Variants in SLCO2A1 observed in about 807,000 individuals in gnomAD.
SLCO2A1 encodes the protein solute carrier organic anion transporter family member 2A1.
SLCO2A1 carries 60 observed loss-of-function variants against 71.7 expected under a neutral mutation model. That is an observed-to-expected ratio of 0.84 (90% CI 0.68 to 1.04). The LOEUF is 1.04. Ranked by LOEUF, SLCO2A1 falls within the 50% of genes least tolerant of loss-of-function variation. SLCO2A1 has a pLI of 0.00. For synonymous variants in SLCO2A1, 308 were observed against 326.7 expected, an observed-to-expected ratio of 0.94 and a Z score of 0.62; for missense variants, 745 against 813.4, an observed-to-expected ratio of 0.92 and a Z score of 1.02.
At chr3:133,950,851 A>T in intron 6 of SLCO2A1, 1 of 334,626 alleles carries the variant, frequency 3.0e-6, no homozygotes, top group South Asian at 2.6e-5. Context: ...CTGAACACTG[A>T]TAGGCCCTAT....
rs917310671 is a variant in SLCO2A1 at position 134,004,022 on chromosome 3, G to A, written c.97-24404C>T. 3.9e-5 allele frequency among the ~76,000 whole-genome samples: 6 copies of A among 152,138 alleles called. No homozygotes were observed. In the East Asian group the frequency reaches 1.2e-3, roughly 29 times the overall value. The stretch of plus-strand genomic sequence containing the variant: ...TGGGATCATCCCTTCCTGACTGCCT[G>A]CCCTGTGAATTTTGAAGCTGCTTAG... On this transcript the variant is annotated intron_variant, in intron 1 of 13. Coordinates refer to ENST00000310926, the MANE Select transcript of SLCO2A1 (RefSeq NM_005630.3).
rs748877837 is a variant in SLCO2A1, at chr3:133,934,800, C to A, written c.1845G>T (p.Ala615=). Reference sequence around the variant, plus strand: ...TGAAGCAAAGCAGCAGCATGCCCAGCGCCTTGTAGCCCATCTGCAGGCCCA... The same window carrying A: ...TGAAGCAAAGCAGCAGCATGCCCAGAGCCTTGTAGCCCATCTGCAGGCCCA... ...RYLGLQMGYK[A]LGMLLLCFIS... The change falls in exon 14 of 14, where the codon GCG becomes GCT. Residue 615 remains alanine (A), a synonymous_variant. Transcript: ENST00000310926. The A allele has an allele frequency of 8.1e-6, 13 of 1,612,078 alleles. No homozygotes were observed. The highest frequency in any genetic ancestry group is 1.0e-5 in the Non-Finnish European group (12 of 1,179,938).
rs371576536 is a variant in SLCO2A1, at chr3:133,975,182, C to T, written c.235-1357G>A. On this transcript the variant is annotated intron_variant, in intron 2 of 13. Transcript: ENST00000310926. ...CATGGCTATTTATGCTCTGCGTGTG[C>T]TTCTAAGTCCCACAGTCTCAGCTCA... Among the ~76,000 whole-genome samples, 24 of 152,260 alleles carry T rather than the reference C, an allele frequency of 1.6e-4. No homozygotes were observed. The East Asian group carries it at 4.1e-3, about 26-fold the overall frequency.
chr3:133,978,619 T>C (rs902534344), intron 2 of SLCO2A1, among the ~76,000 whole-genome samples: 3 of 152,050 alleles, frequency 2.0e-5, no homozygotes, highest in African/African-American at 7.2e-5. Context: ...TGAATTTCAC[T>C]AAGTCAAGGG....
intron 3 of SLCO2A1, among the ~76,000 whole-genome samples, chr3:133,956,682 T>C (rs781414593): frequency 1.2e-4 from 18 of 152,256 alleles, no homozygotes; most frequent in Non-Finnish European, 2.5e-4. Context: ...CCCGACCACA[T>C]GGTGATATAA....
At position 134,003,823 on chromosome 3, in the gene SLCO2A1, G is replaced by GTTGA. The variant is rs576123366; in HGVS notation, c.97-24209_97-24206dup. On this transcript the variant is annotated intron_variant, in intron 1 of 13. Transcript: ENST00000310926. ...CAGATGTAATTAAAATACATAATCA[G>GTTGA]TTGACACTGGGTAAGGGAGATTATC... Among the ~76,000 whole-genome samples, 374 of 152,292 alleles carry GTTGA rather than the reference G, an allele frequency of 2.5e-3. 2 individuals are homozygous for GTTGA. The highest frequency in any genetic ancestry group is 8.5e-3 in the African/African-American group (354 of 41,556).
At chr3:134,005,917 G>A in intron 1 of SLCO2A1, among the ~76,000 whole-genome samples, 1 of 151,176 alleles carries the variant, frequency 6.6e-6, no homozygotes, top group Admixed American at 6.6e-5. Context: ...CCTTTTCTAG[G>A]CTTTTATTAT....
In SLCO2A1 at chr3:133,951,019, C is replaced by T. The variant is rs565920956; in HGVS notation, c.861+189G>A. 7.5e-4 allele frequency: 531 copies of T among 706,564 alleles called. 5 individuals carry two copies. The South Asian group carries it at 8.2e-3, about 11-fold the overall frequency. The allele number at this position is 706,564 out of a possible 1,614,324, so 43.8% of individuals were successfully genotyped here. ...ATGGTACGGGAACACATAGGAGATA[C>T]CACCTTTTGGAAATTCACCAACACC... On this transcript the variant is annotated intron_variant, in intron 6 of 13. Coordinates refer to ENST00000310926, the MANE Select transcript of SLCO2A1 (RefSeq NM_005630.3).
intron 2 of SLCO2A1, among the ~76,000 whole-genome samples, chr3:133,976,072 A>G (rs1458369762): frequency 1.3e-5 from 2 of 152,268 alleles, no homozygotes; most frequent in African/African-American, 2.4e-5. Flanking sequence ...ATTGTTGAAC[A>G]AATGAATGAA....
chr3:133,989,576 T>G (rs940427110), intron 1 of SLCO2A1, among the ~76,000 whole-genome samples: 1 of 152,180 alleles, frequency 6.6e-6, no homozygotes, highest in Non-Finnish European at 1.5e-5. Context: ...TTTCCACATT[T>G]TATTTTATTT....
chr3:133,947,187 G>T, intron 9 of SLCO2A1, 69 bp downstream of exon 9: 1 of 1,296,382 alleles, frequency 7.7e-7, no homozygotes, highest in Non-Finnish European at 1.1e-6. Flanking sequence ...CAGGAAGGAA[G>T]ATGTATAACA....
Position 133,991,538 on chromosome 3 carries a change from G to T in SLCO2A1, c.97-11920C>A, listed in dbSNP as rs938756066. Among the ~76,000 whole-genome samples the T allele has an allele frequency of 2.0e-5, 3 of 152,286 alleles. No individual in the cohort carries two copies. The East Asian group carries it at 5.8e-4, about 29-fold the overall frequency. ...ATATTCCTCATAGCAATGACAAAAGGTATCTTTAGTATTATTCATTTTATT... is the reference window on the plus strand; with the variant it reads ...ATATTCCTCATAGCAATGACAAAAGTTATCTTTAGTATTATTCATTTTATT... On this transcript the variant is annotated intron_variant, in intron 1 of 13. Transcript: ENST00000310926.
rs149970455 is a variant in SLCO2A1 at position 133,978,195 on chromosome 3, T to C, written c.234+1286A>G. On this transcript the variant is annotated intron_variant, in intron 2 of 13. Coordinates refer to ENST00000310926, the MANE Select transcript of SLCO2A1 (RefSeq NM_005630.3). ...TGGAGGTTGAGACTGGCTGGAGCAGTGCTTGTGAGCAAGAGACTGGAGGAA... is the reference window on the plus strand; with the variant it reads ...TGGAGGTTGAGACTGGCTGGAGCAGCGCTTGTGAGCAAGAGACTGGAGGAA... Among the ~76,000 whole-genome samples, 936 of 152,246 alleles carry C rather than the reference T, an allele frequency of 6.1e-3. 6 individuals carry two copies. The highest frequency in any genetic ancestry group is 0.021 in the African/African-American group (863 of 41,544).
chr3:133,938,544 TCCCTTGGG>T (rs1559927604), intron 11 of SLCO2A1, 51 bp from the exon 12 acceptor site: 1 of 1,575,398 alleles, frequency 6.3e-7, no homozygotes, highest in Admixed American at 1.7e-5. Context: ...GGCTGCACGA[TCCCTTGGG>T]TAAGGGGCAG....
chr3:133,946,577 C>T (rs1933583752), intron 9 of SLCO2A1, among the ~76,000 whole-genome samples: 1 of 152,244 alleles, frequency 6.6e-6, no homozygotes, highest in Admixed American at 6.5e-5. Context: ...CTCTCTTCAG[C>T]AGCTCAATGA....
intron 3 of SLCO2A1, among the ~76,000 whole-genome samples, chr3:133,958,622 A>G (rs1031174163): frequency 2.0e-5 from 3 of 152,208 alleles, no homozygotes; most frequent in African/African-American, 7.2e-5. Context: ...TGGCATGGCT[A>G]ACTGACTCAA....
chr3:134,010,686 A>G (rs1161693206), intron 1 of SLCO2A1, among the ~76,000 whole-genome samples: 1 of 145,908 alleles, frequency 6.9e-6, no homozygotes, highest in African/African-American at 2.5e-5. Context: ...CCTGGGAGGC[A>G]GAGGTTGCAG....
chr3:133,942,801 A>C (rs1197749433), intron 10 of SLCO2A1, 33 bp from the exon 11 acceptor site: 1 of 1,568,160 alleles, frequency 6.4e-7, no homozygotes, highest in Non-Finnish European at 8.7e-7. Context: ...AAAGGGGGAA[A>C]TTTGTTATTA....
chr3:133,984,142 T>C (rs1389699112), intron 1 of SLCO2A1, among the ~76,000 whole-genome samples: 6 of 152,182 alleles, frequency 3.9e-5, no homozygotes, highest in Admixed American at 3.9e-4. Flanking sequence ...CATCACCAAC[T>C]TCTCCAGTTG....
Sources: allele counts gnomAD v4.1 joint callset (sites outside exome capture counted in the v4.1 genomes callset), GRCh38; gene constraint gnomAD v4.1.1; transcripts MANE v1.5; gene names NCBI Gene and HGNC (gene_info 2026-07-23, HGNC 2026-07-21).